Variants in DNAH6 observed in about 807,000 individuals in gnomAD.
The protein encoded by DNAH6 is dynein axonemal heavy chain 6.
Under a neutral mutation model 491.4 loss-of-function variants are expected in DNAH6, and 340 were observed. The ratio of observed to expected loss-of-function variants is 0.69; its 90% CI spans 0.63 to 0.76. The LOEUF is 0.76. Among genes scored for constraint, DNAH6 ranks in the 30% least tolerant of loss-of-function variants. DNAH6 has a pLI of 0.00. For missense variants in DNAH6, 4,443 were observed against 4,972.2 expected (o/e 0.89, Z 3.20); for synonymous variants, 1,603 against 1,686.1 (o/e 0.95, Z 1.21).
intron 63 of DNAH6, among the ~76,000 whole-genome samples, chr2:84,747,687 C>T (rs1673096982): frequency 6.6e-6 from 1 of 152,178 alleles, no homozygotes; most frequent in South Asian, 2.1e-4. Flanking sequence ...GGCTCTAACC[C>T]CACATTTTCC....
intron 4 of DNAH6, among the ~76,000 whole-genome samples, chr2:84,531,208 A>C (rs1677137512): frequency 6.6e-6 from 1 of 152,152 alleles, no homozygotes; most frequent in Non-Finnish European, 1.5e-5. Flanking sequence ...ATATGCATTT[A>C]TCCCAGTGAG....
the DNAH6 span, among the ~76,000 whole-genome samples, chr2:84,461,195 A>C: frequency 9.2e-5 from 14 of 152,356 alleles, no homozygotes; most frequent in East Asian, 2.7e-3. Context: ...TTAATCACTT[A>C]TGTCTTTAGA....
At chr2:84,695,073 A>C (rs1695244690) in intron 46 of DNAH6, among the ~76,000 whole-genome samples, 1 of 152,212 alleles carries the variant, frequency 6.6e-6, no homozygotes, top group Non-Finnish European at 1.5e-5. Context: ...AGCAGAATTA[A>C]ATACAAAGAA....
chr2:84,553,360 TTTTCTTTTCTTTCTTTCTTTCTTTCTTTC>T (rs1452205176), intron 10 of DNAH6, among the ~76,000 whole-genome samples: 1,714 of 112,982 alleles, frequency 0.015, 80 homozygotes, highest in African/African-American at 0.045. Context: ...TTTTCTTTTC[TTTTCTTTTCTTTCTTTCTTTCTTTCTTTC>T]TTTCTTTCTT....
At chr2:84,679,647 A>G (rs1033403716) in intron 41 of DNAH6, among the ~76,000 whole-genome samples, 1 of 152,246 alleles carries the variant, frequency 6.6e-6, no homozygotes, top group African/African-American at 2.4e-5. Flanking sequence ...AGATCATGTA[A>G]GCCAGATCCT....
chr2:84,730,411 C>T (rs1045579566), intron 61 of DNAH6, among the ~76,000 whole-genome samples: 1 of 152,178 alleles, frequency 6.6e-6, no homozygotes, highest in Non-Finnish European at 1.5e-5. Flanking sequence ...TGGGTATATT[C>T]AGTCCATACA....
Position 84,669,994 on chromosome 2 carries a change from T to C in DNAH6, c.6307-334T>C, listed in dbSNP as rs577453068. On this transcript the variant is annotated intron_variant, in intron 38 of 76. Coordinates refer to ENST00000389394, the MANE Select transcript of DNAH6 (RefSeq NM_001370.2). ...GCTTCTTGGTTTTGGAGAATCCACG[T>C]AAACAGGACTTCACCGTTTCCCCAA... Among the ~76,000 whole-genome samples the C allele has an allele frequency of 3.3e-5, 5 of 152,324 alleles. No individual in the cohort carries two copies. In the East Asian group the frequency reaches 9.6e-4, roughly 29 times the overall value.
At chr2:84,659,890 G>A (rs1475984086) in intron 37 of DNAH6, among the ~76,000 whole-genome samples, 1 of 152,142 alleles carries the variant, frequency 6.6e-6, no homozygotes, top group African/African-American at 2.4e-5. Flanking sequence ...GCTGAGGCAA[G>A]AGGATTTCTT....
At chr2:84,806,476 G>A (rs181649546) in intron 71 of DNAH6, among the ~76,000 whole-genome samples, 17 of 152,034 alleles carry the variant, frequency 1.1e-4, no homozygotes, top group Admixed American at 4.6e-4. Flanking sequence ...AAAATTAGCC[G>A]GGCGTGGTGG....
At chr2:84,472,784 G>C in the DNAH6 span, among the ~76,000 whole-genome samples, 5 of 152,218 alleles carry the variant, frequency 3.3e-5, no homozygotes, top group African/African-American at 1.2e-4. Flanking sequence ...AAGGAGGTTA[G>C]TATGTGCTCT....
rs551018612 is a variant in DNAH6 at position 84,663,015 on chromosome 2, G to A, written c.6084+3846G>A. On this transcript the variant is annotated intron_variant, in intron 37 of 76. Coordinates refer to ENST00000389394, the MANE Select transcript of DNAH6 (RefSeq NM_001370.2). Reference sequence around the variant, plus strand: ...CTCCAGCAAATTCCAACAGACCTTCGGCTGAGGGTCCTGACTGTTAGAAGG... The same window carrying A: ...CTCCAGCAAATTCCAACAGACCTTCAGCTGAGGGTCCTGACTGTTAGAAGG... 5.9e-5 allele frequency among the ~76,000 whole-genome samples: 9 copies of A among 152,278 alleles called. No homozygotes were observed. The East Asian group carries it at 7.7e-4, about 13-fold the overall frequency.
chr2:84,480,220 C>T, the DNAH6 span, among the ~76,000 whole-genome samples: 25 of 152,126 alleles, frequency 1.6e-4, no homozygotes, highest in Middle Eastern at 3.4e-3. Flanking sequence ...AAATTTTCCC[C>T]GAGGTTACTC....
intron 70 of DNAH6, among the ~76,000 whole-genome samples, chr2:84,803,765 C>A (rs1679159413): frequency 6.6e-6 from 1 of 152,108 alleles, no homozygotes; most frequent in South Asian, 2.1e-4. Context: ...TTATGATACA[C>A]TATTGTTGGA....
At position 84,813,121 on chromosome 2, in the gene DNAH6, T is replaced by C; in HGVS notation, c.11989T>C (p.Phe3997Leu). The change falls in exon 74 of 77, where the codon TTT becomes CTT. Residue 3997 changes from phenylalanine (F) to leucine (L), a missense_variant. Physicochemically the swap from Phe to Leu is conservative, Grantham distance 22. This residue lies in a region of DNAH6 where 1,463 missense variants were observed against 1,656.6 expected (regional missense o/e 0.88). Coordinates refer to ENST00000389394, the MANE Select transcript of DNAH6 (RefSeq NM_001370.2). Reference sequence around the variant, plus strand: ...CTCTGGTTTCTTCTTTCCTCAAGGATTTCTAACAGGTACCAGCGCTTTCTA... The same window carrying C: ...CTCTGGTTTCTTCTTTCCTCAAGGACTTCTAACAGGTACCAGCGCTTTCTA... ...WISGFFFPQG[F>L]LTGTLQNHAR... The C allele has an allele frequency of 6.4e-7, 1 of 1,551,572 alleles. No individual in the cohort carries two copies. Among genetic ancestry groups the C allele is most frequent in the South Asian group, 1.2e-5 (1 of 84,052 alleles).
chr2:84,573,696 G>T (rs1336911501), intron 12 of DNAH6, 109 bp downstream of exon 12: 2 of 916,350 alleles, frequency 2.2e-6, no homozygotes, highest in Non-Finnish European at 3.1e-6. Flanking sequence ...TAGCCCAAAA[G>T]AGTTGGCCTG....
chr2:84,475,642 G>A, the DNAH6 span, among the ~76,000 whole-genome samples: 1 of 152,174 alleles, frequency 6.6e-6, no homozygotes, highest in South Asian at 2.1e-4. Context: ...GCCATCACAA[G>A]CCTTAATATA....
chr2:84,510,364 A>G, the DNAH6 span, among the ~76,000 whole-genome samples: 3 of 152,358 alleles, frequency 2.0e-5, no homozygotes, highest in Admixed American at 2.0e-4. Flanking sequence ...CAGTTGAGTG[A>G]ATCGGCTACT....
chr2:84,578,993 C>T (rs1485210841), intron 13 of DNAH6, among the ~76,000 whole-genome samples: 1 of 152,174 alleles, frequency 6.6e-6, no homozygotes, highest in Non-Finnish European at 1.5e-5. Flanking sequence ...TGTAAGTTTC[C>T]TGAAGCCTCC....
intron 62 of DNAH6, among the ~76,000 whole-genome samples, chr2:84,741,521 C>T (rs1672524290): frequency 6.6e-6 from 1 of 152,156 alleles, no homozygotes; most frequent in Admixed American, 6.5e-5. Context: ...CAAAAGGGCA[C>T]CTTGGGCCTG....
Sources: gnomAD v4.1 joint callset for allele counts (sites outside exome capture counted in the v4.1 genomes callset) on GRCh38, gnomAD v4.1.1 for gene constraint, gnomAD v4.1.1 regional missense constraint, MANE v1.5 for transcripts, NCBI Gene and HGNC (gene_info 2026-07-23, HGNC 2026-07-21) for gene names.